Variants in ST8SIA5 observed in about 807,000 individuals in gnomAD.
The protein encoded by ST8SIA5 is ST8 alpha-N-acetyl-neuraminide alpha-2,8-sialyltransferase 5, also known as alpha-2,8-sialyltransferase 8E.
Under a neutral mutation model 40.2 loss-of-function variants are expected in ST8SIA5, and 24 were observed. That is an observed-to-expected ratio of 0.60 (90% confidence interval 0.43 to 0.84). The LOEUF (loss-of-function observed/expected upper bound fraction) is 0.84, where lower values mean the gene tolerates loss of function less well. ST8SIA5 is among the 40% of genes least tolerant of loss of function. The pLI is 0.00. For missense variants in ST8SIA5, 465 were observed against 498.5 expected (o/e 0.93, Z 0.64); for synonymous variants, 198 against 201.8 (o/e 0.98, Z 0.16).
intron 2 of ST8SIA5, among the ~76,000 whole-genome samples, chr18:46,704,163 A>G (rs769334523): frequency 5.3e-5 from 8 of 152,222 alleles, no homozygotes; most frequent in Non-Finnish European, 8.8e-5. Flanking sequence ...AACTTTTAAT[A>G]AAATTAAAAC....
chr18:46,704,691 CA>C (rs749596028), intron 1 of ST8SIA5, 27 bp from the exon 2 acceptor site: 2 of 1,591,950 alleles, frequency 1.3e-6, no homozygotes, highest in South Asian at 2.2e-5. Flanking sequence ...ACAGGTTAAA[CA>C]GAGAAGCAGG....
At position 46,756,027 on chromosome 18, in the gene ST8SIA5, A is replaced by C. The variant is rs560384291; in HGVS notation, c.131+351T>G. Among the ~76,000 whole-genome samples the C allele has an allele frequency of 7.1e-4, 108 of 152,342 alleles. 1 individual carries two copies. Among genetic ancestry groups the C allele is most frequent in the African/African-American group, 2.5e-3 (106 of 41,582 alleles). On this transcript the variant is annotated intron_variant, in intron 1 of 6. Coordinates refer to ENST00000315087, the MANE Select transcript of ST8SIA5 (RefSeq NM_013305.6). The stretch of plus-strand genomic sequence containing the variant: ...TTTGAGCCCTCCGACCCCGGAGTCC[A>C]AACAAATGGCCATAGAACTGTGGGT...
At position 46,703,806 on chromosome 18, in the gene ST8SIA5, A is replaced by G. The variant is rs76548322; in HGVS notation, c.224+766T>C. On this transcript the variant is annotated intron_variant, in intron 2 of 6. Transcript: ENST00000315087. ...TTCTGTCATGACTAATATAGTACCA[A>G]TTCTTCTAAATGGGTTTGCTGAATT... Among the ~76,000 whole-genome samples the G allele has an allele frequency of 2.2e-4, 34 of 152,318 alleles. No homozygotes were observed. In the East Asian group the frequency reaches 5.4e-3, roughly 24 times the overall value.
At chr18:46,747,899 G>T (rs958869450) in intron 1 of ST8SIA5, among the ~76,000 whole-genome samples, 2 of 152,156 alleles carry the variant, frequency 1.3e-5, no homozygotes, top group Admixed American at 6.5e-5. Flanking sequence ...CCATAAAAAA[G>T]GATGAGTTCA....
rs12968988 is a variant in ST8SIA5 at position 46,710,429 on chromosome 18, C to T, written c.132-5765G>A. On this transcript the variant is annotated intron_variant, in intron 1 of 6. Coordinates refer to ENST00000315087, the MANE Select transcript of ST8SIA5 (RefSeq NM_013305.6). ...TTTCTTTCTTTCTTTTTCTTTCTCT[C>T]TCTTTCTTTTTCTTTTTCTTTCTCT... Among the ~76,000 whole-genome samples the T allele has an allele frequency of 5.2e-5, 6 of 115,242 alleles. No individual in the cohort carries two copies. The South Asian group carries it at 1.3e-3, about 26-fold the overall frequency. The allele number at this position is 115,242 out of a possible 152,430, so 75.6% of individuals were successfully genotyped here.
chr18:46,710,425 C>CTT (rs1439875801), intron 1 of ST8SIA5, among the ~76,000 whole-genome samples: 336 of 108,472 alleles, frequency 3.1e-3, no homozygotes, highest in Non-Finnish European at 5.9e-3. Flanking sequence ...CTTTTTCTTT[C>CTT]TCTCTCTTTC....
intron 1 of ST8SIA5, among the ~76,000 whole-genome samples, chr18:46,720,840 A>G (rs939766186): frequency 2.0e-5 from 3 of 152,158 alleles, no homozygotes; most frequent in African/African-American, 7.2e-5. Flanking sequence ...ATCAAGAGGA[A>G]ATAGCCACAT....
chr18:46,727,190 T>C (rs2039939878), intron 1 of ST8SIA5, among the ~76,000 whole-genome samples: 1 of 152,268 alleles, frequency 6.6e-6, no homozygotes. Context: ...CTCACGCCCA[T>C]ACTTACTCAA....
chr18:46,680,353 C>T lies in ST8SIA5; in HGVS notation c.820G>A (p.Val274Ile), dbSNP rs2039378825. The stretch of plus-strand genomic sequence containing the variant: ...AGGTACTGCGGATGGAAGTAGTAGA[C>T]AGCTTGCGGCGATTCGAAGTCGTCC... ...VLDDFESPQAVYYFHPQYLVN... is the reference protein window; with the variant it reads ...VLDDFESPQAIYYFHPQYLVN... The change falls in exon 7 of 7, where the codon GTC becomes ATC. Residue 274 changes from valine (V) to isoleucine (I), a missense_variant. Transcript: ENST00000315087. The T allele has an allele frequency of 6.2e-7, 1 of 1,614,110 alleles. No individual in the cohort carries two copies. The highest frequency in any genetic ancestry group is 1.3e-5 in the African/African-American group (1 of 74,946).
In ST8SIA5 at chr18:46,708,412, T is replaced by C. The variant is rs181850744; in HGVS notation, c.132-3748A>G. On this transcript the variant is annotated intron_variant, in intron 1 of 6. Transcript: ENST00000315087. ...TCATCTCACTGAGGCTCATTAACCA[T>C]GTGCTTCTGATGCTTTGACACCTGG... Among the ~76,000 whole-genome samples, 162 of 152,304 alleles carry C rather than the reference T, an allele frequency of 1.1e-3. 2 individuals carry two copies. Among genetic ancestry groups the C allele is most frequent in the African/African-American group, 3.8e-3 (157 of 41,562 alleles).
At chr18:46,737,424 A>G (rs575456684) in intron 1 of ST8SIA5, among the ~76,000 whole-genome samples, 4 of 152,212 alleles carry the variant, frequency 2.6e-5, no homozygotes, top group Admixed American at 2.6e-4. Context: ...ATAATTCTTT[A>G]GTAGCATCCC....
intron 1 of ST8SIA5, among the ~76,000 whole-genome samples, chr18:46,751,081 A>T (rs1162211221): frequency 6.6e-6 from 1 of 152,076 alleles, no homozygotes; most frequent in Non-Finnish European, 1.5e-5. Context: ...TCCATCTCCA[A>T]TACTTTCTCA....
At chr18:46,735,328 GC>G (rs1388247817) in intron 1 of ST8SIA5, among the ~76,000 whole-genome samples, 1 of 152,156 alleles carries the variant, frequency 6.6e-6, no homozygotes, top group Non-Finnish European at 1.5e-5. Context: ...TTAATAAACT[GC>G]CCTTTATATA....
At chr18:46,692,018 C>T (rs1420176720) in intron 3 of ST8SIA5, 151 bp downstream of exon 3, 2 of 723,180 alleles carry the variant, frequency 2.8e-6, no homozygotes, top group Middle Eastern at 3.4e-4. Flanking sequence ...AATCAGATCT[C>T]CCCCACTGCC....
intron 1 of ST8SIA5, among the ~76,000 whole-genome samples, chr18:46,728,918 G>T (rs1408303186): frequency 6.6e-6 from 1 of 152,110 alleles, no homozygotes; most frequent in Non-Finnish European, 1.5e-5. Context: ...GCCTATTCCA[G>T]AACCTTCCAA....
intron 1 of ST8SIA5, among the ~76,000 whole-genome samples, chr18:46,732,238 G>C (rs530270664): frequency 3.9e-5 from 6 of 152,350 alleles, no homozygotes; most frequent in African/African-American, 1.2e-4. Context: ...GTGAGGGAGA[G>C]AGGTAGAGTG....
chr18:46,696,718 A>G (rs990878032), intron 2 of ST8SIA5, among the ~76,000 whole-genome samples: 4 of 152,254 alleles, frequency 2.6e-5, no homozygotes, highest in Admixed American at 2.6e-4. Flanking sequence ...AGAGATCTTT[A>G]AAGATGAAGG....
chr18:46,726,009 A>ATATATC (rs1568271474), intron 1 of ST8SIA5, among the ~76,000 whole-genome samples: 1 of 60,936 alleles, frequency 1.6e-5, no homozygotes, highest in Non-Finnish European at 3.0e-5. Context: ...ATATATATAT[A>ATATATC]TCCTGGATAT....
intron 1 of ST8SIA5, among the ~76,000 whole-genome samples, chr18:46,734,203 C>T (rs951989157): frequency 5.9e-5 from 9 of 152,314 alleles, no homozygotes; most frequent in African/African-American, 1.9e-4. Context: ...TCCTGACTCA[C>T]TCTGTGACTT....
Sources: allele counts gnomAD v4.1 joint callset (sites outside exome capture counted in the v4.1 genomes callset), GRCh38; gene constraint gnomAD v4.1.1; transcripts MANE v1.5; gene names NCBI Gene and HGNC (gene_info 2026-07-23, HGNC 2026-07-21).